CDH13: variants seen among roughly 807,000 people sequenced by gnomAD.
CDH13 encodes the protein cadherin 13.
A neutral mutation model predicts 63.8 loss-of-function variants in CDH13; 24 were observed. That is an observed-to-expected ratio of 0.38 (90% CI 0.27 to 0.53). The LOEUF (loss-of-function observed/expected upper bound fraction) is 0.53. Ranked by LOEUF, CDH13 falls within the 20% of genes least tolerant of loss-of-function variation. The pLI, the probability that CDH13 is intolerant of heterozygous loss-of-function variation, is 0.85. For missense variants in CDH13, 1,049 were observed against 903.1 expected, an observed-to-expected ratio of 1.16 and a Z score of -2.07; for synonymous variants, 503 against 355.3, an observed-to-expected ratio of 1.42 and a Z score of -4.67.
intron 3 of CDH13, among the ~76,000 whole-genome samples, chr16:83,119,507 G>C (rs1342156695): frequency 1.3e-5 from 2 of 152,160 alleles, no homozygotes; most frequent in African/African-American, 2.4e-5. Flanking sequence ...GAAGTCAAGA[G>C]ATCTTATTAC....
At chr16:83,745,464 G>C (rs1163549605) in intron 10 of CDH13, among the ~76,000 whole-genome samples, 1 of 152,194 alleles carries the variant, frequency 6.6e-6, no homozygotes, top group African/African-American at 2.4e-5. Flanking sequence ...ACCTCCAGAT[G>C]ATTGGTTCTG....
At chr16:83,667,956 C>G (rs915354839) in intron 8 of CDH13, among the ~76,000 whole-genome samples, 2 of 152,166 alleles carry the variant, frequency 1.3e-5, no homozygotes, top group Non-Finnish European at 2.9e-5. Flanking sequence ...GAATACCATG[C>G]CCAGCCCCCA....
chr16:82,942,371 T>A (rs912709812), intron 2 of CDH13, among the ~76,000 whole-genome samples: 9 of 152,244 alleles, frequency 5.9e-5, no homozygotes, highest in African/African-American at 2.2e-4. Context: ...ATATTTAACC[T>A]TGTGCCAATA....
At chr16:83,521,833 A>G (rs2074844961) in intron 7 of CDH13, among the ~76,000 whole-genome samples, 1 of 152,202 alleles carries the variant, frequency 6.6e-6, no homozygotes, top group Non-Finnish European at 1.5e-5. Context: ...ACCTTGAAAA[A>G]GAAATCTAAC....
chr16:82,816,119 A>G (rs1324873730), intron 1 of CDH13, among the ~76,000 whole-genome samples: 1 of 152,146 alleles, frequency 6.6e-6, no homozygotes, highest in Non-Finnish European at 1.5e-5. Context: ...TAAGGTGCCC[A>G]AAGGACAGCT....
chr16:82,700,759 T>C (rs9788842), intron 1 of CDH13, among the ~76,000 whole-genome samples: 36,528 of 152,052 alleles, frequency 0.24, 4,602 homozygotes, highest in Middle Eastern at 0.3. Flanking sequence ...TCAGTGATTA[T>C]GTTCCTGACA....
intron 6 of CDH13, among the ~76,000 whole-genome samples, chr16:83,461,734 T>C (rs1459451302): frequency 1.3e-5 from 2 of 152,120 alleles, no homozygotes; most frequent in African/African-American, 2.4e-5. Flanking sequence ...AATCAAAGCA[T>C]GGTCAGAGGG....
intron 3 of CDH13, among the ~76,000 whole-genome samples, chr16:83,097,961 A>G (rs1276294628): frequency 6.6e-6 from 1 of 152,200 alleles, no homozygotes; most frequent in African/African-American, 2.4e-5. Context: ...TTTGAAAAAA[A>G]AAATTTTATA....
In CDH13 at chr16:83,110,312, A is replaced by G. The variant is rs141468753; in HGVS notation, c.367-15073A>G. Reference sequence around the variant, plus strand: ...TTAATTGGCATGTCTGTCTTTCAAAATGAAAAGCTACAGGGTAGCTTGTGT... The same window carrying G: ...TTAATTGGCATGTCTGTCTTTCAAAGTGAAAAGCTACAGGGTAGCTTGTGT... On this transcript the variant is annotated intron_variant, in intron 3 of 13. Coordinates refer to ENST00000567109, the MANE Select transcript of CDH13 (RefSeq NM_001257.5). Among the ~76,000 whole-genome samples, 90 of 152,326 alleles carry G rather than the reference A, an allele frequency of 5.9e-4. 1 individual carries two copies. The East Asian group carries it at 0.016, about 28-fold the overall frequency.
chr16:83,452,641 C>T (rs544554642), intron 6 of CDH13, among the ~76,000 whole-genome samples: 14 of 151,802 alleles, frequency 9.2e-5, no homozygotes, highest in African/African-American at 3.4e-4. Flanking sequence ...TTGTTGGGTT[C>T]CTGCAAAGAC....
intron 1 of CDH13, among the ~76,000 whole-genome samples, chr16:82,715,289 C>A (rs1288907680): frequency 6.6e-6 from 1 of 151,802 alleles, no homozygotes; most frequent in Non-Finnish European, 1.5e-5. Context: ...TCAACTATGG[C>A]TGCAACCAAG....
intron 3 of CDH13, among the ~76,000 whole-genome samples, chr16:83,084,941 G>A (rs776854231): frequency 6.6e-6 from 1 of 152,168 alleles, no homozygotes; most frequent in Non-Finnish European, 1.5e-5. Context: ...CTAACGAGAA[G>A]TCTCAGTGTA....
chr16:83,479,342 C>A (rs937774014), intron 6 of CDH13, among the ~76,000 whole-genome samples: 3 of 152,198 alleles, frequency 2.0e-5, no homozygotes, highest in African/African-American at 4.8e-5. Flanking sequence ...GAACTGAGTT[C>A]TAAATTGTGA....
At chr16:82,825,814 G>A (rs1049729682) in intron 1 of CDH13, 6 of 151,606 alleles carry the variant, frequency 4.0e-5, no homozygotes, top group African/African-American at 1.2e-4. Context: ...CCCACAGTGC[G>A]AGGATTACAG....
chr16:83,416,388 T>G (rs1265924755), intron 6 of CDH13, among the ~76,000 whole-genome samples: 2 of 152,206 alleles, frequency 1.3e-5, no homozygotes, highest in South Asian at 4.1e-4. Flanking sequence ...GGAAACTCAG[T>G]GGAGCTTCTT....
intron 10 of CDH13, among the ~76,000 whole-genome samples, chr16:83,703,519 A>G (rs1247223393): frequency 6.6e-6 from 1 of 152,246 alleles, no homozygotes; most frequent in Non-Finnish European, 1.5e-5. Flanking sequence ...TGGGACATCC[A>G]AGTTGGTAAA....
At chr16:83,227,218 C>T (rs1301482937) in intron 5 of CDH13, among the ~76,000 whole-genome samples, 1 of 152,216 alleles carries the variant, frequency 6.6e-6, no homozygotes, top group Non-Finnish European at 1.5e-5. Flanking sequence ...CCAAGGATTA[C>T]ACAGTTGGAA....
intron 5 of CDH13, among the ~76,000 whole-genome samples, chr16:83,237,856 A>T (rs898927707): frequency 6.6e-6 from 1 of 152,240 alleles, no homozygotes; most frequent in African/African-American, 2.4e-5. Context: ...TACTTGATAA[A>T]CATTATTTGT....
chr16:82,703,903 C>G (rs2031262625), intron 1 of CDH13, among the ~76,000 whole-genome samples: 1 of 152,172 alleles, frequency 6.6e-6, no homozygotes, highest in Non-Finnish European at 1.5e-5. Flanking sequence ...TTCGGGGGCT[C>G]CAGGAATTCC....
Sources: allele counts gnomAD v4.1 joint callset (sites outside exome capture counted in the v4.1 genomes callset), GRCh38; gene constraint gnomAD v4.1.1; transcripts MANE v1.5; gene names NCBI Gene and HGNC (gene_info 2026-07-23, HGNC 2026-07-21).